The following TNR variants were observed in gnomAD, a reference collection of about 807,000 sequenced individuals.
The protein encoded by TNR is tenascin R.
Under a neutral mutation model 150.4 loss-of-function variants are expected in TNR, and 45 were observed. The ratio of observed to expected loss-of-function variants is 0.30; its 90% CI spans 0.24 to 0.38. The LOEUF (loss-of-function observed/expected upper bound fraction) is 0.38, where lower values mean the gene tolerates loss of function less well. TNR is among the 10% of genes least tolerant of loss of function. The pLI, the probability that TNR is intolerant of heterozygous loss-of-function variation, is 1.00. For synonymous variants in TNR, 687 were observed against 678.4 expected (o/e 1.01, Z -0.20); for missense variants, 1,544 against 1,759.1 (o/e 0.88, Z 2.19).
intron 1 of TNR, among the ~76,000 whole-genome samples, chr1:175,631,836 T>C (rs1376346496): frequency 6.6e-6 from 1 of 152,176 alleles, no homozygotes; most frequent in East Asian, 1.9e-4. Context: ...AGCAGAAAGA[T>C]ATTAGCTCTT....
chr1:175,603,724 A>G (rs1379717681), intron 1 of TNR, among the ~76,000 whole-genome samples: 1 of 152,060 alleles, frequency 6.6e-6, no homozygotes, highest in African/African-American at 2.4e-5. Context: ...GGTATAGGTA[A>G]CCCTCTCATC....
chr1:175,328,267 G>C (rs1649526398), intron 21 of TNR, among the ~76,000 whole-genome samples: 1 of 152,240 alleles, frequency 6.6e-6, no homozygotes, highest in Admixed American at 6.5e-5. Flanking sequence ...AAACTTTTAG[G>C]AGCTGCTCAA....
At chr1:175,712,890 A>G (rs1349223529) in intron 1 of TNR, among the ~76,000 whole-genome samples, 1 of 152,190 alleles carries the variant, frequency 6.6e-6, no homozygotes, top group African/African-American at 2.4e-5. Flanking sequence ...TCAGCAAGGC[A>G]AGAATGAAAG....
chr1:175,468,105 C>A (rs1657111978), intron 2 of TNR, among the ~76,000 whole-genome samples: 2 of 152,186 alleles, frequency 1.3e-5, no homozygotes, highest in African/African-American at 4.8e-5. Flanking sequence ...TGGAGTGGGA[C>A]AGGGTGTCTT....
rs922653497 is a variant in TNR, at chr1:175,430,122, T to C, written c.-63-23345A>G. On this transcript the variant is annotated intron_variant, in intron 2 of 22. Transcript: ENST00000367674. Reference sequence around the variant, plus strand: ...TATTATATCTATTATCATTTAGTGGTGAAAAATGTGGCAGTACTTCACCAC... The same window carrying C: ...TATTATATCTATTATCATTTAGTGGCGAAAAATGTGGCAGTACTTCACCAC... Among the ~76,000 whole-genome samples the C allele has an allele frequency of 2.0e-5, 3 of 151,784 alleles. No individual in the cohort carries two copies. The South Asian group carries it at 6.2e-4, about 32-fold the overall frequency.
chr1:175,681,518 C>G (rs997874639), intron 1 of TNR, among the ~76,000 whole-genome samples: 1 of 152,210 alleles, frequency 6.6e-6, no homozygotes, highest in Non-Finnish European at 1.5e-5. Flanking sequence ...CCCATTGATC[C>G]TTCCATAAAG....
chr1:175,474,527 T>G (rs1657460566), intron 2 of TNR, among the ~76,000 whole-genome samples: 1 of 152,206 alleles, frequency 6.6e-6, no homozygotes, highest in Non-Finnish European at 1.5e-5. Context: ...GCTGTGGCAA[T>G]TTGTTATGGC....
chr1:175,660,201 G>A (rs1558059860), intron 1 of TNR, among the ~76,000 whole-genome samples: 1 of 152,176 alleles, frequency 6.6e-6, no homozygotes, highest in Non-Finnish European at 1.5e-5. Context: ...ACATGAATCA[G>A]GCATTCTGAC....
At chr1:175,661,771 T>C (rs1223081024) in intron 1 of TNR, among the ~76,000 whole-genome samples, 1 of 147,244 alleles carries the variant, frequency 6.8e-6, no homozygotes. Context: ...CCCCTCTACA[T>C]CTGCTCATCC....
intron 6 of TNR, among the ~76,000 whole-genome samples, chr1:175,393,144 C>T (rs548746480): frequency 2.6e-5 from 4 of 152,086 alleles, no homozygotes; most frequent in East Asian, 3.9e-4. Flanking sequence ...TGTGGCAATT[C>T]GGAAAAGTTA....
At position 175,365,090 on chromosome 1, in the gene TNR, G is replaced by T. The variant is rs1341398869; in HGVS notation, c.2507C>A (p.Pro836Gln). The change falls in exon 12 of 23, where the codon CCA becomes CAA. Residue 836 changes from proline to glutamine, a missense_variant. By Grantham distance (76) the Pro-to-Gln change is moderately conservative. Around this residue, in one of 2 missense-constraint regions of TNR, gnomAD observed 1,254 missense variants for 1,329.4 expected, o/e 0.94. Coordinates refer to ENST00000367674, the MANE Select transcript of TNR (RefSeq NM_003285.3). The stretch of plus-strand genomic sequence containing the variant: ...AAGGTTCACAATATACTCTGTGGCT[G>T]GTTGCAGGCCCATCAGGACAGCATG... ...KRHAVLMGLQ[P>Q]ATEYIVNLVA... is the part of the protein sequence containing the mutation. The T allele has an allele frequency of 3.7e-6, 6 of 1,614,078 alleles. No homozygotes were observed. Among genetic ancestry groups the T allele is most frequent in the Non-Finnish European group, 5.1e-6 (6 of 1,179,988 alleles).
intron 1 of TNR, among the ~76,000 whole-genome samples, chr1:175,541,424 T>C (rs1660496351): frequency 6.6e-6 from 1 of 152,190 alleles, no homozygotes; most frequent in African/African-American, 2.4e-5. Context: ...CTAGAAACTG[T>C]GTGCAGAGGG....
At chr1:175,661,352 T>A (rs1665366380) in intron 1 of TNR, among the ~76,000 whole-genome samples, 1 of 152,204 alleles carries the variant, frequency 6.6e-6, no homozygotes, top group Admixed American at 6.5e-5. Context: ...TGATAAATGA[T>A]AAAGATAGTC....
intron 1 of TNR, among the ~76,000 whole-genome samples, chr1:175,605,788 T>C (rs1663386170): frequency 6.6e-6 from 1 of 152,242 alleles, no homozygotes; most frequent in African/African-American, 2.4e-5. Context: ...TCATCTCATC[T>C]GCCCAGCCAG....
chr1:175,650,469 A>G (rs760398838), intron 1 of TNR, among the ~76,000 whole-genome samples: 3 of 151,912 alleles, frequency 2.0e-5, no homozygotes, highest in Non-Finnish European at 4.4e-5. Context: ...CACTCTGATG[A>G]GACTTCAATG....
intron 2 of TNR, among the ~76,000 whole-genome samples, chr1:175,489,190 G>A (rs542587217): frequency 1.2e-4 from 18 of 152,120 alleles, no homozygotes; most frequent in Non-Finnish European, 2.2e-4. Flanking sequence ...AAGATCACCC[G>A]GGGCCCAGCC....
intron 1 of TNR, among the ~76,000 whole-genome samples, chr1:175,646,152 T>C (rs1403374830): frequency 6.6e-6 from 1 of 152,210 alleles, no homozygotes; most frequent in African/African-American, 2.4e-5. Flanking sequence ...CCCCACACTT[T>C]CTTCCTTATC....
At chr1:175,620,273 C>G (rs1025604755) in intron 1 of TNR, among the ~76,000 whole-genome samples, 1 of 152,160 alleles carries the variant, frequency 6.6e-6, no homozygotes, top group Non-Finnish European at 1.5e-5. Flanking sequence ...ACGGATTGCT[C>G]TCAGTTTTAT....
intron 1 of TNR, among the ~76,000 whole-genome samples, chr1:175,666,706 G>A (rs1571731300): frequency 6.6e-6 from 1 of 152,186 alleles, no homozygotes; most frequent in South Asian, 2.1e-4. Context: ...GATGCTTCAG[G>A]GCCTTGCTTT....
Sources: allele counts gnomAD v4.1 joint callset (sites outside exome capture counted in the v4.1 genomes callset), GRCh38; gene constraint gnomAD v4.1.1; regional missense constraint gnomAD v4.1.1; transcripts MANE v1.5; gene names NCBI Gene and HGNC (gene_info 2026-07-23, HGNC 2026-07-21).